KRT7: variants seen among roughly 807,000 people sequenced by gnomAD.
KRT7 encodes the protein keratin 7.
A neutral mutation model predicts 42.8 loss-of-function variants in KRT7; 50 were observed. That is an observed-to-expected ratio of 1.17 (90% CI 0.93 to 1.48). The LOEUF (loss-of-function observed/expected upper bound fraction) is 1.48. Ranked by LOEUF, KRT7 falls within the 40% of genes most tolerant of loss-of-function variation. The pLI, the probability that KRT7 is intolerant of heterozygous loss-of-function variation, is 0.00. For missense variants in KRT7, 588 were observed against 637.6 expected (o/e 0.92, Z 0.84); for synonymous variants, 268 against 266.3 (o/e 1.01, Z -0.06).
In KRT7 at chr12:52,241,933, CATT is replaced by C. The variant is rs1165158613; in HGVS notation, c.858+302_858+304del. ...CAGAACAGCCCTATTAGATAGGCAT[CATT>C]ATTACCCCCATTTTGTTTTATTTAA... On this transcript the variant is annotated intron_variant, in intron 5 of 8. Transcript: ENST00000331817. 8 of 200,104 alleles carry C rather than the reference CATT, an allele frequency of 4.0e-5. 1 individual carries two copies. In the East Asian group the frequency reaches 7.7e-4, roughly 19 times the overall value. The allele number at this position is 200,104 out of a possible 1,614,324, so 12.4% of individuals were successfully genotyped here.
At chr12:52,247,379 C>G (rs930028657) in intron 7 of KRT7, 2 of 152,224 alleles carry the variant, frequency 1.3e-5, no homozygotes, top group Non-Finnish European at 2.9e-5. Flanking sequence ...TTCAGCAAAC[C>G]TCTCTCTTTC....
chr12:52,254,249 G>T, downstream of KRT7: 1 of 789,540 alleles, frequency 1.3e-6, no homozygotes, highest in Non-Finnish European at 2.2e-6. Flanking sequence ...TTGCTGCCCC[G>T]CTGCTTTGTG....
chr12:52,244,601 G>A, intron 6 of KRT7: 2 of 986,044 alleles, frequency 2.0e-6, no homozygotes, highest in Non-Finnish European at 2.4e-6. Flanking sequence ...TCTGAGGATA[G>A]AGAATGGCCG....
At chr12:52,240,629 CAAAAAAAAAGA>C (rs1942074688) in intron 4 of KRT7, among the ~76,000 whole-genome samples, 1 of 131,494 alleles carries the variant, frequency 7.6e-6, no homozygotes, top group East Asian at 2.2e-4. Flanking sequence ...AACTCTGTCT[CAAAAAAAAAGA>C]AAAAAAAAAG....
chr12:52,239,676 C>T (rs1399098144), intron 4 of KRT7, among the ~76,000 whole-genome samples: 1 of 152,032 alleles, frequency 6.6e-6, no homozygotes, highest in African/African-American at 2.4e-5. Context: ...TGACAGGGTT[C>T]AAAGGTGGGC....
chr12:52,240,253 A>G (rs1942068493), intron 4 of KRT7, among the ~76,000 whole-genome samples: 1 of 152,236 alleles, frequency 6.6e-6, no homozygotes, highest in African/African-American at 2.4e-5. Flanking sequence ...ACCTGTGTGT[A>G]TATATATAAA....
At chr12:52,254,429 T>C, downstream of KRT7, 1 of 577,784 alleles carries the variant, frequency 1.7e-6, no homozygotes, top group Non-Finnish European at 3.4e-6. Context: ...GTTTTTTTCC[T>C]ACCAGGGAGG....
chr12:52,245,139 C>T (rs1942149200), intron 6 of KRT7: 2 of 548,816 alleles, frequency 3.6e-6, no homozygotes, highest in Admixed American at 7.2e-5. Flanking sequence ...TCCTCAAAAT[C>T]TCCTGATGTT....
rs1468446046 is a variant in KRT7 at position 52,248,677 on chromosome 12, T to C, written c.1327T>C (p.Phe443Leu). ...GGTMGSNALS[F>L]SSSAGPGLLK... Reference sequence around the variant, plus strand: ...AACCATGGGCAGCAATGCCCTGAGCTTCTCCAGCAGTGCGGGTCCTGGGCT... The same window carrying C: ...AACCATGGGCAGCAATGCCCTGAGCCTCTCCAGCAGTGCGGGTCCTGGGCT... Residue 443 changes from phenylalanine (F) to leucine (L), a missense_variant, in exon 9 of 9, where the codon TTC (phenylalanine) becomes CTC (leucine). Coordinates refer to ENST00000331817, the MANE Select transcript of KRT7 (RefSeq NM_005556.4). 1.1e-5 allele frequency: 17 copies of C among 1,613,370 alleles called. No homozygotes were observed. Among genetic ancestry groups the C allele is most frequent in the Non-Finnish European group, 1.4e-5 (16 of 1,179,640 alleles).
chr12:52,252,519 T>C (rs903764260), downstream of KRT7: 1 of 1,608,438 alleles, frequency 6.2e-7, no homozygotes, highest in Non-Finnish European at 8.5e-7. Flanking sequence ...ATCTCTGTTC[T>C]GGCTTCAGGG....
chr12:52,246,442 G>T (rs1027128979), intron 7 of KRT7: 2 of 152,196 alleles, frequency 1.3e-5, no homozygotes, highest in African/African-American at 4.8e-5. Context: ...GTGTATACAA[G>T]AACTTATTCT....
At chr12:52,239,246 A>C (rs1942051899) in intron 4 of KRT7, among the ~76,000 whole-genome samples, 1 of 152,204 alleles carries the variant, frequency 6.6e-6, no homozygotes, top group Non-Finnish European at 1.5e-5. Context: ...CAGGCTGATA[A>C]GAACAGAAAA....
intron 3 of KRT7, 140 bp from the exon 4 acceptor site, chr12:52,238,540 C>T (rs1214352766): frequency 1.6e-6 from 1 of 636,702 alleles, no homozygotes; most frequent in East Asian, 2.7e-5. Flanking sequence ...CCATGTACAG[C>T]AGCTGTAGAA....
At chr12:52,252,250 T>C (rs1406059363), downstream of KRT7, 4 of 1,613,376 alleles carry the variant, frequency 2.5e-6, no homozygotes, top group South Asian at 1.1e-5. Context: ...TCCCCACAGC[T>C]GTGGTCCTCA....
At chr12:52,253,270 G>A (rs559237703), downstream of KRT7, 103 of 1,612,146 alleles carry the variant, frequency 6.4e-5, no homozygotes, top group Middle Eastern at 5.0e-4. Context: ...GGTTCAGCTC[G>A]TTGATCTCCT....
chr12:52,245,276 G>T, intron 6 of KRT7, 136 bp from the exon 7 acceptor site: 1 of 799,366 alleles, frequency 1.3e-6, no homozygotes, highest in Non-Finnish European at 2.0e-6. Context: ...TAACCCTTAG[G>T]ATTCTCTGGT....
intron 3 of KRT7, 160 bp downstream of exon 3, chr12:52,237,729 T>A (rs1942031928): frequency 4.7e-6 from 1 of 214,358 alleles, no homozygotes; most frequent in Non-Finnish European, 7.1e-6. Flanking sequence ...TGCGTGTATG[T>A]GTGTGTGTGT....
chr12:52,254,545 G>A (rs753559558), downstream of KRT7, among the ~76,000 whole-genome samples: 2 of 152,150 alleles, frequency 1.3e-5, no homozygotes, highest in African/African-American at 2.4e-5. Flanking sequence ...TAGTAGTGGC[G>A]TCAAGAGCAG....
downstream of KRT7, chr12:52,252,346 C>T: frequency 6.2e-7 from 1 of 1,614,086 alleles, no homozygotes; most frequent in Non-Finnish European, 8.5e-7. Flanking sequence ...TCCTGGTACT[C>T]CCTGATCAGG....
Sources: allele counts gnomAD v4.1 joint callset (sites outside exome capture counted in the v4.1 genomes callset), GRCh38; gene constraint gnomAD v4.1.1; transcripts MANE v1.5; gene names NCBI Gene and HGNC (gene_info 2026-07-23, HGNC 2026-07-21).